PCDH9: variants seen among roughly 807,000 people sequenced by gnomAD.
PCDH9 encodes the protein protocadherin 9.
PCDH9 carries 24 observed loss-of-function variants against 70.6 expected under a neutral mutation model. The ratio of observed to expected loss-of-function variants is 0.34; its 90% CI spans 0.25 to 0.48. The LOEUF (loss-of-function observed/expected upper bound fraction) is 0.48, where lower values mean the gene tolerates loss of function less well. Ranked by LOEUF, PCDH9 falls within the 20% of genes least tolerant of loss-of-function variation. The probability of loss-of-function intolerance (pLI) is 0.99; values close to 1 mark genes in which losing one functional copy is unlikely to be tolerated. For missense variants in PCDH9, 1,281 were observed against 1,503.6 expected, an observed-to-expected ratio of 0.85 and a Z score of 2.45; for synonymous variants, 562 against 558.5, an observed-to-expected ratio of 1.01 and a Z score of -0.09.
intron 4 of PCDH9, among the ~76,000 whole-genome samples, chr13:66,400,572 T>G (rs550770056): frequency 1.0e-3 from 156 of 152,320 alleles, no homozygotes; most frequent in African/African-American, 3.6e-3. Flanking sequence ...GAGTGACAGA[T>G]GTTTTCCAGT....
intron 2 of PCDH9, chr13:67,201,401 GGAC>G (rs1200449133): frequency 6.6e-6 from 1 of 151,810 alleles, no homozygotes; most frequent in Non-Finnish European, 1.5e-5. Context: ...ATTTTAATGA[GGAC>G]AAGTTTTAAT....
At chr13:67,057,293 G>A (rs2085441198) in intron 2 of PCDH9, among the ~76,000 whole-genome samples, 1 of 151,518 alleles carries the variant, frequency 6.6e-6, no homozygotes, top group Admixed American at 6.6e-5. Context: ...GAACTAACTG[G>A]GTCTTAATCT....
chr13:66,344,924 A>G (rs1317302188), intron 4 of PCDH9, among the ~76,000 whole-genome samples: 1 of 152,222 alleles, frequency 6.6e-6, no homozygotes, highest in Non-Finnish European at 1.5e-5. Context: ...AATTGCAGGG[A>G]AAGAAAACTA....
At chr13:66,629,558 T>C (rs971595644) in intron 4 of PCDH9, among the ~76,000 whole-genome samples, 1 of 152,248 alleles carries the variant, frequency 6.6e-6, no homozygotes, top group East Asian at 1.9e-4. Context: ...AAGAGGATAG[T>C]TCTTGTTCTC....
intron 4 of PCDH9, among the ~76,000 whole-genome samples, chr13:66,421,009 C>T (rs530970850): frequency 2.2e-3 from 325 of 150,902 alleles, no homozygotes; most frequent in Non-Finnish European, 2.7e-3. Flanking sequence ...TGGTGCTGCA[C>T]AGCCTGAGAA....
intron 3 of PCDH9, among the ~76,000 whole-genome samples, chr13:66,687,792 G>GC (rs1403374850): frequency 6.6e-6 from 1 of 152,154 alleles, no homozygotes; most frequent in African/African-American, 2.4e-5. Context: ...GTTGCAAAGT[G>GC]CCCTCAACTG....
chr13:66,654,636 T>C (rs905876687), intron 3 of PCDH9, among the ~76,000 whole-genome samples: 3 of 152,134 alleles, frequency 2.0e-5, no homozygotes, highest in Non-Finnish European at 4.4e-5. Flanking sequence ...AAAAATTAAA[T>C]ACTGAAAATT....
chr13:66,809,199 C>G (rs1299199966), intron 3 of PCDH9, among the ~76,000 whole-genome samples: 1 of 152,112 alleles, frequency 6.6e-6, no homozygotes, highest in Admixed American at 6.5e-5. Context: ...CCACCCGTCT[C>G]GGCCTCCCAA....
chr13:67,131,097 T>A (rs530753028), intron 2 of PCDH9, among the ~76,000 whole-genome samples: 1 of 152,264 alleles, frequency 6.6e-6, no homozygotes, highest in South Asian at 2.1e-4. Context: ...AAAAGAAAGA[T>A]CAGATATTTA....
intron 3 of PCDH9, among the ~76,000 whole-genome samples, chr13:66,834,041 T>A (rs1160610643): frequency 6.6e-6 from 1 of 152,170 alleles, no homozygotes; most frequent in African/African-American, 2.4e-5. Context: ...ATAAATCAAT[T>A]TTTTGCAATA....
intron 3 of PCDH9, among the ~76,000 whole-genome samples, chr13:66,798,340 T>C (rs1254314743): frequency 6.6e-6 from 1 of 152,154 alleles, no homozygotes; most frequent in African/African-American, 2.4e-5. Context: ...TTGATCCAAA[T>C]GCGTCTTTAA....
At chr13:67,211,914 G>T (rs2089476956) in intron 2 of PCDH9, 1 of 152,030 alleles carries the variant, frequency 6.6e-6, no homozygotes, top group Admixed American at 6.6e-5. Flanking sequence ...AAAATATCAT[G>T]ACTTGAAACA....
At chr13:67,070,419 A>C (rs1191550900) in intron 2 of PCDH9, among the ~76,000 whole-genome samples, 3 of 152,338 alleles carry the variant, frequency 2.0e-5, no homozygotes, top group African/African-American at 7.2e-5. Flanking sequence ...AAAGAGAAGT[A>C]GACAGCCTTT....
At chr13:67,125,133 A>T (rs1252031392) in intron 2 of PCDH9, among the ~76,000 whole-genome samples, 1 of 152,200 alleles carries the variant, frequency 6.6e-6, no homozygotes. Flanking sequence ...TCAGAGATGT[A>T]TGAGAATTTC....
At chr13:67,012,414 T>C (rs190933912) in intron 2 of PCDH9, among the ~76,000 whole-genome samples, 1 of 152,012 alleles carries the variant, frequency 6.6e-6, no homozygotes, top group Non-Finnish European at 1.5e-5. Flanking sequence ...GCACAACAAG[T>C]AAGTTATTAC....
At chr13:67,189,132 A>G (rs1168520288) in intron 2 of PCDH9, among the ~76,000 whole-genome samples, 1 of 151,896 alleles carries the variant, frequency 6.6e-6, no homozygotes, top group Admixed American at 6.6e-5. Flanking sequence ...CTTCATATAT[A>G]TATATGAAGG....
At chr13:66,502,551 C>T (rs1959182207) in intron 4 of PCDH9, among the ~76,000 whole-genome samples, 1 of 152,036 alleles carries the variant, frequency 6.6e-6, no homozygotes, top group South Asian at 2.1e-4. Context: ...GCAATTTTAC[C>T]TGCCAAGATT....
At chr13:67,020,029 T>C (rs1004951108) in intron 2 of PCDH9, among the ~76,000 whole-genome samples, 2 of 152,244 alleles carry the variant, frequency 1.3e-5, no homozygotes, top group African/African-American at 2.4e-5. Flanking sequence ...ATAAATTTTG[T>C]ACATTTCCTG....
chr13:67,116,966 A>G (rs1298759588), intron 2 of PCDH9, among the ~76,000 whole-genome samples: 1 of 152,166 alleles, frequency 6.6e-6, no homozygotes, highest in Non-Finnish European at 1.5e-5. Context: ...ACGACTTTAT[A>G]TAATCAAACT....
Sources: allele counts gnomAD v4.1 joint callset (sites outside exome capture counted in the v4.1 genomes callset), GRCh38; gene constraint gnomAD v4.1.1; transcripts MANE v1.5; gene names NCBI Gene and HGNC (gene_info 2026-07-23, HGNC 2026-07-21).